Variants in PCDHGB2 observed in about 807,000 individuals in gnomAD.
PCDHGB2 encodes the protein protocadherin gamma subfamily B, 2.
Under a neutral mutation model 59.3 loss-of-function variants are expected in PCDHGB2, and 55 were observed. The observed-to-expected ratio is 0.93, with a 90% CI of 0.75 to 1.16. The LOEUF (loss-of-function observed/expected upper bound fraction) is 1.16, where lower values mean the gene tolerates loss of function less well. PCDHGB2 is among the 50% of genes most tolerant of loss of function. PCDHGB2 has a pLI of 0.00. For synonymous variants in PCDHGB2, 516 were observed against 512.0 expected (o/e 1.01, Z -0.11); for missense variants, 1,228 against 1,198.5 (o/e 1.02, Z -0.36).
At chr5:141,508,642 T>A (rs893357826) in intron 3 of PCDHGB2, among the ~76,000 whole-genome samples, 13 of 152,070 alleles carry the variant, frequency 8.5e-5, no homozygotes, top group Admixed American at 2.6e-4. Flanking sequence ...AGCTACTCCG[T>A]CAGGCCCTTC....
In PCDHGB2 at chr5:141,361,638, T is replaced by G. The variant is rs756163399; in HGVS notation, c.1503T>G (p.Ile501Met). 3.1e-6 allele frequency: 5 copies of G among 1,613,826 alleles called. No individual in the cohort carries two copies. The highest frequency in any genetic ancestry group is 2.2e-5 in the East Asian group (1 of 44,872). Residue 501 changes from isoleucine to methionine, a missense_variant, in exon 1 of 4, where the codon ATT (isoleucine) becomes ATG (methionine). Ile to Met is a conservative substitution (Grantham distance 10). This residue lies in a region of PCDHGB2 where 781 missense variants were observed against 721.6 expected (regional missense o/e 1.08). Transcript: ENST00000522605. ...IVASDLKPRE[I>M]LSYVSVSAQS... ...CGAGCGACCTGAAGCCGCGGGAGAT[T>G]TTATCCTACGTGTCCGTGAGCGCGC...
chr5:141,394,013 T>C, intron 1 of PCDHGB2: 1 of 1,613,384 alleles, frequency 6.2e-7, no homozygotes, highest in Non-Finnish European at 8.5e-7. Flanking sequence ...CAATAGGTAA[T>C]TATTATAGAT....
intron 1 of PCDHGB2, chr5:141,400,296 C>T (rs2093998279): frequency 6.2e-7 from 1 of 1,614,076 alleles, no homozygotes. Context: ...GGAGCTGCTT[C>T]CAACCTGGTC....
intron 1 of PCDHGB2, chr5:141,367,882 A>C (rs1403559847): frequency 6.6e-6 from 1 of 152,094 alleles, no homozygotes; most frequent in Non-Finnish European, 1.5e-5. Context: ...ATTCTTCTTT[A>C]TTACTTGAGT....
chr5:141,390,837 T>C (rs1299248607), intron 1 of PCDHGB2: 1 of 163,140 alleles, frequency 6.1e-6, no homozygotes. Flanking sequence ...ATGGACCCCT[T>C]GTGATTATAT....
At chr5:141,404,783 G>A (rs758824309) in intron 1 of PCDHGB2, 39 of 1,613,798 alleles carry the variant, frequency 2.4e-5, no homozygotes, top group South Asian at 2.2e-4. Context: ...CCTATTCAAG[G>A]CCAGTGAGCC....
In PCDHGB2 at chr5:141,505,363, T is replaced by C. The variant is rs751635403; in HGVS notation, c.2481-30T>C. 1.6e-5 allele frequency: 26 copies of C among 1,613,242 alleles called. No individual in the cohort carries two copies. In the Middle Eastern group the frequency reaches 9.9e-4, roughly 61 times the overall value. On this transcript the variant is annotated intron_variant, in intron 2 of 3. Transcript: ENST00000522605. ...GGCATGAGCTGTGCCGGCCTGGGAG[T>C]CTGTGCTCACCATCCTACTCTCTCC... is the stretch of plus-strand genomic sequence containing the variant.
chr5:141,446,920 C>T (rs2098520337), intron 1 of PCDHGB2, among the ~76,000 whole-genome samples: 1 of 152,108 alleles, frequency 6.6e-6, no homozygotes, highest in African/African-American at 2.4e-5. Flanking sequence ...TATTTATCTT[C>T]CTGATCTCTT....
intron 1 of PCDHGB2, among the ~76,000 whole-genome samples, chr5:141,435,760 T>TTGGTGAATTC (rs2097778609): frequency 1.3e-5 from 2 of 152,172 alleles, no homozygotes; most frequent in African/African-American, 4.8e-5. Context: ...TTGATTTCTT[T>TTGGTGAATTC]TGGTGAATTC....
chr5:141,488,690 G>A (rs1292736219), intron 1 of PCDHGB2, among the ~76,000 whole-genome samples: 1 of 152,186 alleles, frequency 6.6e-6, no homozygotes, highest in African/African-American at 2.4e-5. Flanking sequence ...TCTCCCAGAA[G>A]GACAAGATTT....
chr5:141,384,216 C>T (rs1342379342), intron 1 of PCDHGB2: 1 of 1,613,896 alleles, frequency 6.2e-7, no homozygotes, highest in Non-Finnish European at 8.5e-7. Context: ...CTCACATATT[C>T]ATGCAGGTGG....
At chr5:141,422,881 T>G in intron 1 of PCDHGB2, 1 of 1,614,214 alleles carries the variant, frequency 6.2e-7, no homozygotes, top group East Asian at 2.2e-5. Flanking sequence ...GCTGAGCCTG[T>G]TCGTGCTGGA....
At chr5:141,395,374 T>G (rs145897132) in intron 1 of PCDHGB2, 6 of 1,187,780 alleles carry the variant, frequency 5.1e-6, no homozygotes, top group Non-Finnish European at 6.9e-6. Flanking sequence ...ATTTTGGTGG[T>G]GTTACTATAA....
intron 1 of PCDHGB2, chr5:141,374,993 T>C: frequency 6.2e-7 from 1 of 1,614,056 alleles, no homozygotes; most frequent in Non-Finnish European, 8.5e-7. Flanking sequence ...AATTTCAACT[T>C]CTGCAAATCT....
chr5:141,409,130 G>A, intron 1 of PCDHGB2: 1 of 1,613,994 alleles, frequency 6.2e-7, no homozygotes, highest in South Asian at 1.1e-5. Context: ...ATTTGATTTT[G>A]AAGATGTAGA....
intron 1 of PCDHGB2, among the ~76,000 whole-genome samples, chr5:141,435,946 A>C (rs953432473): frequency 6.6e-6 from 1 of 152,174 alleles, no homozygotes; most frequent in Non-Finnish European, 1.5e-5. Flanking sequence ...CTGAGACCAA[A>C]AAAGGGGGCA....
At chr5:141,455,058 C>G (rs1350223657) in intron 1 of PCDHGB2, among the ~76,000 whole-genome samples, 9 of 151,814 alleles carry the variant, frequency 5.9e-5, no homozygotes, top group Admixed American at 5.9e-4. Context: ...GTGATCCGCC[C>G]GCCTCGGCCT....
intron 1 of PCDHGB2, chr5:141,376,394 C>T (rs1772639427): frequency 3.1e-6 from 5 of 1,614,110 alleles, no homozygotes; most frequent in South Asian, 1.1e-5. Context: ...TCTGATTTTC[C>T]CCCAGCCCAA....
intron 1 of PCDHGB2, chr5:141,398,413 T>G (rs774602022): frequency 1.3e-6 from 2 of 1,490,692 alleles, no homozygotes; most frequent in South Asian, 1.1e-5. Context: ...GGAGGAGATA[T>G]GCGGGAAGAA....
Sources: allele counts gnomAD v4.1 joint callset (sites outside exome capture counted in the v4.1 genomes callset), GRCh38; gene constraint gnomAD v4.1.1; regional missense constraint gnomAD v4.1.1; transcripts MANE v1.5; gene names NCBI Gene and HGNC (gene_info 2026-07-23, HGNC 2026-07-21).